The following CCHCR1 variants were observed in gnomAD, a reference collection of about 807,000 sequenced individuals.
CCHCR1 encodes the protein coiled-coil alpha-helical rod protein 1.
Under a neutral mutation model 114.6 loss-of-function variants are expected in CCHCR1, and 91 were observed. The ratio of observed to expected loss-of-function variants is 0.79; its 90% confidence interval spans 0.67 to 0.94. The LOEUF is 0.94. CCHCR1 is among the 40% of genes least tolerant of loss of function. The pLI is 0.00. For missense variants in CCHCR1, 899 were observed against 1,079.9 expected (o/e 0.83, Z 2.35); for synonymous variants, 379 against 428.5 (o/e 0.88, Z 1.43).
At chr6:31,145,353 C>A (rs1458363329) in intron 12 of CCHCR1, 51 bp from the exon 13 acceptor site, 1 of 1,612,624 alleles carries the variant, frequency 6.2e-7, no homozygotes, top group South Asian at 1.1e-5. Flanking sequence ...CTGCCTGATC[C>A]CAAAGCCCCC....
chr6:31,142,601 C>T lies in CCHCR1; in HGVS notation c.2607G>A (p.Met869Ile), dbSNP rs370915688. ...TCCAACTGTCAGCTGCTTAGCTGCTCATCTGGGGATTGGAGCTGGAGCATC... is the reference window on the plus strand; with the variant it reads ...TCCAACTGTCAGCTGCTTAGCTGCTTATCTGGGGATTGGAGCTGGAGCATC... The part of the protein sequence containing the change: ...LDRCSSSNPQ[M>I]SS Residue 869 changes from methionine (M) to isoleucine (I), a missense_variant, in exon 18 of 18, where the codon ATG becomes ATA. By Grantham distance (10) the Met-to-Ile change is conservative. Coordinates refer to ENST00000396268, the MANE Select transcript of CCHCR1 (RefSeq NM_001105564.2). 2.4e-5 allele frequency: 39 copies of T among 1,612,670 alleles called. No homozygotes were observed. The highest frequency in any genetic ancestry group is 1.7e-4 in the Middle Eastern group (1 of 5,982).
At position 31,150,353 on chromosome 6, in the gene CCHCR1, G is replaced by T; in HGVS notation, c.1212+102C>A. On this transcript the variant is annotated intron_variant, in intron 7 of 17. Coordinates refer to ENST00000396268, the MANE Select transcript of CCHCR1 (RefSeq NM_001105564.2). The surrounding 1 kb of genome is among the most constrained non-coding windows in gnomAD (Gnocchi z 5.3). ...AGTTCACAGGAAGGAGATCTAAGCA[G>T]GTTCTGGGGCACATTGACCCCTCCT... 7.5e-7 allele frequency: 1 copy of T among 1,340,358 alleles called. No homozygotes were observed. Among genetic ancestry groups the T allele is most frequent in the Non-Finnish European group, 1.1e-6 (1 of 950,294 alleles). 83.0% of individuals were successfully genotyped at this position (1,340,358 alleles called of 1,614,324 possible). A position where few individuals can be genotyped will look rare whatever the true frequency, so the allele number is the denominator to read the frequency against.
chr6:31,152,237 G>T (rs1253846895), intron 4 of CCHCR1, among the ~76,000 whole-genome samples: 2 of 145,996 alleles, frequency 1.4e-5, no homozygotes, highest in Non-Finnish European at 3.0e-5. Context: ...AGCCAAGATC[G>T]CGCCACTGCA....
chr6:31,157,385 C>G lies in CCHCR1; in HGVS notation c.216G>C (p.Arg72Ser). The change falls in exon 1 of 18, where the codon AGG becomes AGC. Residue 72 changes from arginine to serine, a missense_variant and splice_region_variant. Coordinates refer to ENST00000396268, the MANE Select transcript of CCHCR1 (RefSeq NM_001105564.2). ...TCAGGATTCTGGGCAGTGCCTCTAC[C>G]CTCCTCCTTAAGTTTCTATGGTCCC... is the stretch of plus-strand genomic sequence containing the variant. ...SSRDHRNLRR[R>S]GNIDGWRQNL... 1.2e-6 allele frequency: 2 copies of G among 1,611,048 alleles called. No homozygotes were observed. Among genetic ancestry groups the G allele is most frequent in the Non-Finnish European group, 1.7e-6 (2 of 1,178,252 alleles).
Position 31,154,391 on chromosome 6 carries a change from A to T in CCHCR1, c.801+105T>A. ...TCACCAAAGGTCTCATCACTCTACT[A>T]CTCACTACTCATGGAGGGTCTTTTC... is the stretch of plus-strand genomic sequence containing the variant. On this transcript the variant is annotated intron_variant, in intron 4 of 17. Transcript: ENST00000396268. This position sits in a 1 kb window ranked among gnomAD's most constrained non-coding sequence, Gnocchi z 4.1. The T allele has an allele frequency of 1.2e-6, 1 of 817,994 alleles. No individual in the cohort carries two copies. Among genetic ancestry groups the T allele is most frequent in the Non-Finnish European group, 2.0e-6 (1 of 493,018 alleles). The allele number at this position is 817,994 out of a possible 1,614,324, so 50.7% of individuals were successfully genotyped here.
At position 31,148,626 on chromosome 6, in the gene CCHCR1, C is replaced by G; in HGVS notation, c.1465G>C (p.Gly489Arg). 6.2e-7 allele frequency: 1 copy of G among 1,611,510 alleles called. No homozygotes were observed. Among genetic ancestry groups the G allele is most frequent in the Non-Finnish European group, 8.5e-7 (1 of 1,178,624 alleles). Reference protein sequence around the residue: ...KAAEVEVERMGAKGLQLELSR... With the variant: ...KAAEVEVERMRAKGLQLELSR... ...AGTAGGCTGACACCAACCTTGGCAC[C>G]CATACGCTCCACCTCCACCTCTGCG... Residue 489 changes from glycine (G) to arginine (R), a missense_variant, in exon 9 of 18, where the codon GGT becomes CGT. Coordinates refer to ENST00000396268, the MANE Select transcript of CCHCR1 (RefSeq NM_001105564.2).
At position 31,145,512 on chromosome 6, in the gene CCHCR1, G is replaced by C. The variant is rs1188271815; in HGVS notation, c.1694-19C>G. The C allele has an allele frequency of 6.2e-7, 1 of 1,613,584 alleles. No homozygotes were observed. The highest frequency in any genetic ancestry group is 8.5e-7 in the Non-Finnish European group (1 of 1,179,566). On this transcript the variant is annotated intron_variant, in intron 11 of 17. Transcript: ENST00000396268. Reference sequence around the variant, plus strand: ...ATCAGGCCTGGAGGGGAAAAAGCAGGGAGAAAAAGAGATGAAGTTTGCATG... The same window carrying C: ...ATCAGGCCTGGAGGGGAAAAAGCAGCGAGAAAAAGAGATGAAGTTTGCATG...
intron 1 of CCHCR1, 121 bp from the exon 2 acceptor site, chr6:31,157,210 G>T: frequency 9.7e-7 from 1 of 1,029,506 alleles, no homozygotes; most frequent in Non-Finnish European, 1.5e-6. Flanking sequence ...CCGATGCTTA[G>T]CTCTTTTCCT....
chr6:31,147,953 G>C (rs1222485587), intron 10 of CCHCR1, among the ~76,000 whole-genome samples: 1 of 152,154 alleles, frequency 6.6e-6, no homozygotes, highest in African/African-American at 2.4e-5. Flanking sequence ...ACTCCAGCCT[G>C]GGTGACAGAG....
chr6:31,151,151 G>C lies in CCHCR1; in HGVS notation c.802-29C>G, dbSNP rs963036619. ...CGGAAAGAAGAGGGGGCTCAGCAGA[G>C]GCTCGACCCCACATGGAGGCCTTCC... is the stretch of plus-strand genomic sequence containing the variant. On this transcript the variant is annotated intron_variant, in intron 4 of 17. Coordinates refer to ENST00000396268, the MANE Select transcript of CCHCR1 (RefSeq NM_001105564.2). This position sits in a 1 kb window ranked among gnomAD's most constrained non-coding sequence, Gnocchi z 4.1. The C allele has an allele frequency of 1.3e-6, 2 of 1,599,430 alleles. No individual in the cohort carries two copies. Among genetic ancestry groups the C allele is most frequent in the African/African-American group, 1.3e-5 (1 of 74,468 alleles).
intron 8 of CCHCR1, 132 bp from the exon 9 acceptor site, chr6:31,148,860 A>AC: frequency 1.0e-5 from 1 of 97,228 alleles, no homozygotes; most frequent in Non-Finnish European, 2.0e-5. Context: ...GGGGCGGGCG[A>AC]CGGGGGTGGG....
Position 31,144,539 on chromosome 6 carries a change from C to G in CCHCR1, c.2167+148G>C. 1 of 654,756 alleles carries G rather than the reference C, an allele frequency of 1.5e-6. No individual in the cohort carries two copies. Among genetic ancestry groups the G allele is most frequent in the Non-Finnish European group, 2.7e-6 (1 of 369,522 alleles). 40.6% of individuals were successfully genotyped at this position (654,756 alleles called of 1,614,324 possible). On this transcript the variant is annotated intron_variant, in intron 15 of 17. Coordinates refer to ENST00000396268, the MANE Select transcript of CCHCR1 (RefSeq NM_001105564.2). The surrounding 1 kb of genome is among the most constrained non-coding windows in gnomAD (Gnocchi z 4.6). ...GGTGCTGGCTACATGGGTGTGTTCA[C>G]GATGTGATAATTCATCTGTGCTACT...
At chr6:31,149,625 G>A (rs1774915716) in intron 8 of CCHCR1, 1 of 151,174 alleles carries the variant, frequency 6.6e-6, no homozygotes, top group Non-Finnish European at 1.5e-5. Context: ...TGTATTTTTA[G>A]TAGAGACGGG....
chr6:31,145,309 C>T lies in CCHCR1; in HGVS notation c.1740-7G>A, dbSNP rs1336462431. ...CGGTGGTGGTAGGGGACAGCTGGGA[C>T]GGGGAAGAGAAAGAGTCAGAAGAAA... On this transcript the variant is annotated splice_region_variant and splice_polypyrimidine_tract_variant and intron_variant, in intron 12 of 17. Transcript: ENST00000396268. The T allele has an allele frequency of 1.8e-5, 29 of 1,613,612 alleles. No individual in the cohort carries two copies. The highest frequency in any genetic ancestry group is 1.0e-4 in the Admixed American group (6 of 59,976).
At chr6:31,146,863 G>A (rs550738196) in intron 10 of CCHCR1, among the ~76,000 whole-genome samples, 3 of 152,126 alleles carry the variant, frequency 2.0e-5, no homozygotes, top group East Asian at 1.9e-4. Flanking sequence ...GGGGGCACCC[G>A]CGATGGATTG....
intron 13 of CCHCR1, 35 bp downstream of exon 13, chr6:31,145,131 C>A: frequency 1.2e-6 from 2 of 1,608,280 alleles, no homozygotes; most frequent in Non-Finnish European, 1.7e-6. Context: ...CCGGGTTTTT[C>A]CTCATCCTCT....
chr6:31,149,429 A>G (rs373598053), intron 8 of CCHCR1: 1 of 151,770 alleles, frequency 6.6e-6, no homozygotes, highest in Non-Finnish European at 1.5e-5. Flanking sequence ...TATCTTTTGA[A>G]TTTTTCTTAC....
At position 31,151,045 on chromosome 6, in the gene CCHCR1, C is replaced by A; in HGVS notation, c.879G>T (p.Leu293=). 1 of 1,613,126 alleles carries A rather than the reference C, an allele frequency of 6.2e-7. No individual in the cohort carries two copies. Residue 293 remains leucine, a synonymous_variant, in exon 5 of 18, where the codon CTG becomes CTT. Transcript: ENST00000396268. The surrounding 1 kb of genome is among the most constrained non-coding windows in gnomAD (Gnocchi z 4.1). The part of the protein sequence containing the change: ...TSKAEGLEKS[L]SSLETRRAGE... The stretch of plus-strand genomic sequence containing the variant: ...CTGCTCTTCTGGTTTCCAGACTACT[C>A]AGAGACTTCTCCAAGCCCTCAGCCT...
intron 3 of CCHCR1, among the ~76,000 whole-genome samples, chr6:31,155,536 A>G (rs3130452): frequency 0.74 from 110,336 of 148,234 alleles, 41,142 homozygotes; most frequent in Middle Eastern, 0.85. Context: ...CCTGGGAGGC[A>G]GAGCTTGCAG....
Sources: allele counts gnomAD v4.1 joint callset (sites outside exome capture counted in the v4.1 genomes callset), GRCh38; gene constraint gnomAD v4.1.1; non-coding constraint Gnocchi (gnomAD v3.1); transcripts MANE v1.5; gene names NCBI Gene and HGNC (gene_info 2026-07-23, HGNC 2026-07-21).